Variants in OPCML observed in about 807,000 individuals in gnomAD.
OPCML encodes opioid binding protein/cell adhesion molecule like, also known as opioid-binding protein/cell adhesion molecule.
A neutral mutation model predicts 37.8 loss-of-function variants in OPCML; 13 were observed. That is an observed-to-expected ratio of 0.34 (90% CI 0.22 to 0.55). OPCML has a LOEUF of 0.55. Ranked by LOEUF, OPCML falls within the 20% of genes least tolerant of loss-of-function variation. The pLI is 0.91. For missense variants in OPCML, 341 were observed against 435.6 expected (o/e 0.78, Z 1.93); for synonymous variants, 176 against 168.8 (o/e 1.04, Z -0.33).
chr11:132,983,614 A>G (rs1387422041), intron 1 of OPCML, among the ~76,000 whole-genome samples: 1 of 152,172 alleles, frequency 6.6e-6, no homozygotes, highest in Non-Finnish European at 1.5e-5. Context: ...CTATCACTTC[A>G]TCCCCAAACA....
intron 3 of OPCML, among the ~76,000 whole-genome samples, chr11:132,534,786 A>T (rs2137325851): frequency 6.6e-6 from 1 of 152,234 alleles, no homozygotes; most frequent in Admixed American, 6.5e-5. Flanking sequence ...ACTAAATATA[A>T]ATGTATTCAA....
chr11:133,045,232 T>C (rs573204278), intron 1 of OPCML, among the ~76,000 whole-genome samples: 1 of 152,300 alleles, frequency 6.6e-6, no homozygotes, highest in Admixed American at 6.5e-5. Flanking sequence ...TGGATTCTGA[T>C]TCATGTCACA....
intron 4 of OPCML, among the ~76,000 whole-genome samples, chr11:132,506,946 G>T (rs2096258357): frequency 6.6e-6 from 1 of 151,792 alleles, no homozygotes; most frequent in Non-Finnish European, 1.5e-5. Context: ...AAAGATAACA[G>T]AATATATTTC....
At chr11:133,237,116 A>C (rs1417889964) in intron 1 of OPCML, among the ~76,000 whole-genome samples, 1 of 152,208 alleles carries the variant, frequency 6.6e-6, no homozygotes. Context: ...GTGCTAACCA[A>C]AAAGATGTTT....
At chr11:132,601,154 C>T (rs1937861735) in intron 3 of OPCML, among the ~76,000 whole-genome samples, 1 of 152,034 alleles carries the variant, frequency 6.6e-6, no homozygotes, top group African/African-American at 2.4e-5. Context: ...AATTCTGTAG[C>T]ACCAACAACT....
intron 1 of OPCML, among the ~76,000 whole-genome samples, chr11:133,200,392 A>G (rs1938723311): frequency 6.6e-6 from 1 of 152,190 alleles, no homozygotes; most frequent in African/African-American, 2.4e-5. Flanking sequence ...TGATTTTTAA[A>G]TTGCAAATAT....
intron 2 of OPCML, among the ~76,000 whole-genome samples, chr11:132,931,905 G>A (rs528619668): frequency 3.3e-5 from 5 of 152,218 alleles, no homozygotes; most frequent in African/African-American, 9.6e-5. Flanking sequence ...ATAAACAAAC[G>A]TGGCCTATAC....
chr11:133,183,705 T>C (rs1249669395), intron 1 of OPCML, among the ~76,000 whole-genome samples: 2 of 152,278 alleles, frequency 1.3e-5, no homozygotes, highest in Admixed American at 1.3e-4. Flanking sequence ...GCCTTCAAGG[T>C]ACTCAAAATG....
intron 2 of OPCML, among the ~76,000 whole-genome samples, chr11:132,828,745 C>T (rs1218330429): frequency 6.6e-6 from 1 of 152,136 alleles, no homozygotes; most frequent in East Asian, 1.9e-4. Flanking sequence ...CAAAGAAAGC[C>T]AGTGCTGATA....
chr11:133,461,280 A>C (rs1946852608), intron 1 of OPCML, among the ~76,000 whole-genome samples: 1 of 151,906 alleles, frequency 6.6e-6, no homozygotes, highest in Admixed American at 6.6e-5. Context: ...GAAGAAGTAA[A>C]ATTATCTTTG....
chr11:133,248,317 G>A (rs1453435635), intron 1 of OPCML, among the ~76,000 whole-genome samples: 5 of 152,238 alleles, frequency 3.3e-5, no homozygotes, highest in Non-Finnish European at 7.3e-5. Flanking sequence ...GGGTTAGGGC[G>A]TACCTTTGAG....
chr11:132,698,809 T>C (rs1019784066), intron 2 of OPCML, among the ~76,000 whole-genome samples: 1 of 152,134 alleles, frequency 6.6e-6, no homozygotes, highest in Admixed American at 6.5e-5. Flanking sequence ...TTTTCATATA[T>C]ATATAGTTGG....
intron 3 of OPCML, among the ~76,000 whole-genome samples, chr11:132,616,011 C>G (rs569090542): frequency 1.8e-4 from 28 of 152,294 alleles, no homozygotes; most frequent in African/African-American, 6.7e-4. Context: ...CTGTTTATGA[C>G]TACCTGGTTT....
At chr11:132,671,988 A>C (rs1397243324) in intron 2 of OPCML, among the ~76,000 whole-genome samples, 1 of 152,190 alleles carries the variant, frequency 6.6e-6, no homozygotes, top group African/African-American at 2.4e-5. Flanking sequence ...CTTCCTCAGC[A>C]CACTGACTAC....
Position 133,173,726 on chromosome 11 carries a change from T to TTAAGAATCTC in OPCML, c.62-230726_62-230717dup, listed in dbSNP as rs1950320242. ...GACTTAGCTTCAATCCTGTGGCAGT[T>TTAAGAATCTC]TAAGAATCTCTAAGAATGCATAAGT... On this transcript the variant is annotated intron_variant, in intron 1 of 7. Coordinates refer to ENST00000524381, the MANE Select transcript of OPCML (RefSeq NM_001012393.5). This position sits in a 1 kb window ranked among gnomAD's most constrained non-coding sequence, Gnocchi z 7.8. Among the ~76,000 whole-genome samples, 1 of 152,204 alleles carries TTAAGAATCTC rather than the reference T, an allele frequency of 6.6e-6. No homozygotes were observed. Among genetic ancestry groups the TTAAGAATCTC allele is most frequent in the Non-Finnish European group, 1.5e-5 (1 of 68,038 alleles).
intron 2 of OPCML, among the ~76,000 whole-genome samples, chr11:132,659,421 A>G (rs1941855736): frequency 1.3e-5 from 2 of 152,234 alleles, no homozygotes; most frequent in South Asian, 4.1e-4. Flanking sequence ...AAGAAAGTTC[A>G]AATAGTAGAA....
At chr11:132,612,001 C>T (rs1300395214) in intron 3 of OPCML, among the ~76,000 whole-genome samples, 1 of 152,094 alleles carries the variant, frequency 6.6e-6, no homozygotes, top group Admixed American at 6.5e-5. Flanking sequence ...GGGTTCTGAC[C>T]TTGGTGTTTG....
At chr11:132,810,049 CCA>C (rs1939249022) in intron 2 of OPCML, among the ~76,000 whole-genome samples, 1 of 152,038 alleles carries the variant, frequency 6.6e-6, no homozygotes, top group African/African-American at 2.4e-5. Flanking sequence ...CGGGATTTCA[CCA>C]TGTTGGCCAG....
Position 133,093,713 on chromosome 11 carries a change from G to A in OPCML, c.62-150703C>T, listed in dbSNP as rs575854416. Among the ~76,000 whole-genome samples, 5 of 152,140 alleles carry A rather than the reference G, an allele frequency of 3.3e-5. No homozygotes were observed. The South Asian group carries it at 1.0e-3, about 32-fold the overall frequency. On this transcript the variant is annotated intron_variant, in intron 1 of 7. Transcript: ENST00000524381. ...AGACGGTTTTTTCTCCAGGTGATGT[G>A]TCTGACTGACGTTGAATATAGACTG...
Sources: gnomAD v4.1 joint callset for allele counts (sites outside exome capture counted in the v4.1 genomes callset) on GRCh38, gnomAD v4.1.1 for gene constraint, Gnocchi (gnomAD v3.1) non-coding constraint, MANE v1.5 for transcripts, NCBI Gene and HGNC (gene_info 2026-07-23, HGNC 2026-07-21) for gene names.